Variants in VWA3B observed in about 807,000 individuals in gnomAD.
VWA3B encodes von Willebrand factor A domain-containing protein 3B.
A neutral mutation model predicts 158.3 loss-of-function variants in VWA3B; 138 were observed. That is an observed-to-expected ratio of 0.87 (90% CI 0.76 to 1.00). The LOEUF is 1.00. VWA3B is among the 50% of genes least tolerant of loss of function. The probability of loss-of-function intolerance (pLI) is 0.00; values close to 1 mark genes in which losing one functional copy is unlikely to be tolerated. For synonymous variants in VWA3B, 596 were observed against 587.3 expected, an observed-to-expected ratio of 1.01 and a Z score of -0.21; for missense variants, 1,555 against 1,565.1, an observed-to-expected ratio of 0.99 and a Z score of 0.11.
intron 15 of VWA3B, 139 bp downstream of exon 15, chr2:98,228,471 AT>A: frequency 2.7e-6 from 3 of 1,101,514 alleles, no homozygotes; most frequent in Non-Finnish European, 2.5e-6. Context: ...TTAAGTTAGG[AT>A]TTTTTTAAGC....
At chr2:98,200,487 G>A (rs941496316) in intron 12 of VWA3B, among the ~76,000 whole-genome samples, 12 of 149,446 alleles carry the variant, frequency 8.0e-5, no homozygotes, top group African/African-American at 3.0e-4. Flanking sequence ...AGATTGCAGT[G>A]AGCTGAGACG....
In VWA3B at chr2:98,313,124, G is replaced by A. The variant is rs1406697950; in HGVS notation, c.*775G>A. 6.6e-6 allele frequency: 1 copy of A among 152,146 alleles called. No homozygotes were observed. The highest frequency in any genetic ancestry group is 1.5e-5 in the Non-Finnish European group (1 of 68,030). 9.4% of individuals were successfully genotyped at this position (152,146 alleles called of 1,614,324 possible). A position where few individuals can be genotyped will look rare whatever the true frequency, so the allele number is the denominator to read the frequency against. ...AAATAGAGCACAGGTCATCACTAGGGAAAATATTGGATGCTTTTTGCAAAC... is the reference window on the plus strand; with the variant it reads ...AAATAGAGCACAGGTCATCACTAGGAAAAATATTGGATGCTTTTTGCAAAC... On this transcript the variant is annotated 3_prime_UTR_variant, in exon 28 of 28. Coordinates refer to ENST00000477737, the MANE Select transcript of VWA3B (RefSeq NM_144992.5).
rs527883119 is a variant in VWA3B at position 98,194,632 on chromosome 2, C to T, written c.1737+140C>T. 3 of 978,686 alleles carry T rather than the reference C, an allele frequency of 3.1e-6. No individual in the cohort carries two copies. The South Asian group carries it at 5.9e-5, about 19-fold the overall frequency. 60.6% of individuals were successfully genotyped at this position (978,686 alleles called of 1,614,324 possible). A position where few individuals can be genotyped will look rare whatever the true frequency, so the allele number is the denominator to read the frequency against. On this transcript the variant is annotated intron_variant, in intron 12 of 27. Transcript: ENST00000477737. ...GCTTAACATGTAGACTTTTGTTTTG[C>T]TTGCAGTGGTCACGTTAATCCAATC...
chr2:98,128,489 G>A (rs868580231), intron 6 of VWA3B, 81 bp downstream of exon 6: 13 of 1,484,962 alleles, frequency 8.8e-6, no homozygotes, highest in South Asian at 3.8e-5. Flanking sequence ...TGCATTCTTC[G>A]TGGCTTTAAC....
At chr2:98,269,174 C>A (rs771227632) in intron 21 of VWA3B, among the ~76,000 whole-genome samples, 16 of 152,094 alleles carry the variant, frequency 1.1e-4, no homozygotes, top group Non-Finnish European at 2.2e-4. Flanking sequence ...TTTGAAAAAA[C>A]AGCTATCTCA....
chr2:98,230,206 A>G lies in VWA3B; in HGVS notation c.2307A>G (p.Ala769=). 1 of 1,560,222 alleles carries G rather than the reference A, an allele frequency of 6.4e-7. No individual in the cohort carries two copies. The highest frequency in any genetic ancestry group is 1.7e-4 in the Middle Eastern group (1 of 5,802). ...QKVQKKKVLH[A]ESTKTSLLRS... is the part of the protein sequence containing the mutation. ...TTCAGAAAAAGAAAGTCCTTCACGC[A>G]GGTATCAGTGAACAAAATGGCTTGA... Residue 769 remains alanine (A), a splice_region_variant and synonymous_variant, in exon 16 of 28, where the codon GCA becomes GCG. Transcript: ENST00000477737.
At chr2:98,208,208 A>G (rs2105520062) in intron 12 of VWA3B, among the ~76,000 whole-genome samples, 1 of 152,124 alleles carries the variant, frequency 6.6e-6, no homozygotes, top group East Asian at 1.9e-4. Flanking sequence ...ATATTTGCGT[A>G]ATACGTTTTT....
chr2:98,143,441 G>A (rs999826250), intron 7 of VWA3B, among the ~76,000 whole-genome samples: 15 of 152,250 alleles, frequency 9.9e-5, no homozygotes, highest in Non-Finnish European at 1.8e-4. Flanking sequence ...GGTTCACATC[G>A]TATGTCTATT....
intron 8 of VWA3B, among the ~76,000 whole-genome samples, chr2:98,163,239 TG>T (rs563541245): frequency 2.5e-4 from 38 of 151,992 alleles, no homozygotes; most frequent in South Asian, 6.2e-4. Context: ...GACAGTAAAG[TG>T]GTAAAAACAG....
intron 9 of VWA3B, among the ~76,000 whole-genome samples, chr2:98,185,222 C>T (rs1389627121): frequency 6.6e-6 from 1 of 152,140 alleles, no homozygotes; most frequent in Non-Finnish European, 1.5e-5. Flanking sequence ...TGCGCTATTC[C>T]CACCCATCTG....
intron 22 of VWA3B, among the ~76,000 whole-genome samples, 170 bp downstream of exon 22, chr2:98,271,053 T>A (rs527289241): frequency 2.6e-4 from 39 of 152,170 alleles, no homozygotes; most frequent in African/African-American, 8.9e-4. Flanking sequence ...ATAAAGGAAA[T>A]GCCATTCGAT....
intron 24 of VWA3B, 87 bp from the exon 25 acceptor site, chr2:98,299,992 T>C: frequency 5.9e-6 from 9 of 1,537,922 alleles, no homozygotes; most frequent in Non-Finnish European, 7.1e-6. Flanking sequence ...ACTTGCCAAT[T>C]GCCTTGGAGT....
At position 98,312,517 on chromosome 2, in the gene VWA3B, TC is replaced by T; in HGVS notation, c.*172del. On this transcript the variant is annotated 3_prime_UTR_variant, in exon 28 of 28. Coordinates refer to ENST00000477737, the MANE Select transcript of VWA3B (RefSeq NM_144992.5). ...TCCTCTCCCCTCCATCCCTGCTGCCTCCCCTACCCGTTTGACGACTTGGTTC... is the reference window on the plus strand; with the variant it reads ...TCCTCTCCCCTCCATCCCTGCTGCCTCCCTACCCGTTTGACGACTTGGTTC... 2.5e-6 allele frequency: 2 copies of T among 791,098 alleles called. No individual in the cohort carries two copies. The highest frequency in any genetic ancestry group is 1.9e-6 in the Non-Finnish European group (1 of 527,978). 49.0% of individuals were successfully genotyped at this position (791,098 alleles called of 1,614,324 possible).
intron 1 of VWA3B, among the ~76,000 whole-genome samples, chr2:98,089,426 A>G (rs1247964833): frequency 6.7e-6 from 1 of 149,426 alleles, no homozygotes; most frequent in East Asian, 2.0e-4. Flanking sequence ...CAGAGGCAGC[A>G]TTTGAAATGA....
At chr2:98,212,246 T>G (rs1683590972) in intron 13 of VWA3B, 3 of 467,544 alleles carry the variant, frequency 6.4e-6, no homozygotes, top group Admixed American at 3.3e-5. Flanking sequence ...TGTTGCCTGG[T>G]GAGTGTGACA....
At chr2:98,295,017 A>G (rs1038623656) in intron 23 of VWA3B, among the ~76,000 whole-genome samples, 1 of 152,178 alleles carries the variant, frequency 6.6e-6, no homozygotes, top group African/African-American at 2.4e-5. Flanking sequence ...GAGTAGGGAT[A>G]AACACCTCGC....
Position 98,236,744 on chromosome 2 carries a change from C to T in VWA3B, c.2673+14C>T, listed in dbSNP as rs368707855. 6.9e-6 allele frequency: 11 copies of T among 1,595,190 alleles called. No individual in the cohort carries two copies. The African/African-American group carries it at 1.2e-4, about 18-fold the overall frequency. On this transcript the variant is annotated intron_variant, in intron 19 of 27. Coordinates refer to ENST00000477737, the MANE Select transcript of VWA3B (RefSeq NM_144992.5). ...GTCTTTGATGAGGTAAACTGATTGT[C>T]TATACGTCCCTACTTGAGGCCATTT...
Position 98,234,631 on chromosome 2 carries a change from C to G in VWA3B, c.2309-17C>G. 6.2e-7 allele frequency: 1 copy of G among 1,614,042 alleles called. No homozygotes were observed. Among genetic ancestry groups the G allele is most frequent in the Non-Finnish European group, 8.5e-7 (1 of 1,179,952 alleles). ...CATCCCCAATTCCTTTAACTCTTCC[C>G]TCTGTGATACCAACAGAATCAACCA... On this transcript the variant is annotated splice_polypyrimidine_tract_variant and intron_variant, in intron 16 of 27. Transcript: ENST00000477737.
chr2:98,267,623 A>G (rs2105874526), intron 21 of VWA3B, among the ~76,000 whole-genome samples: 1 of 151,952 alleles, frequency 6.6e-6, no homozygotes, highest in East Asian at 1.9e-4. Flanking sequence ...CATCACAATT[A>G]AAAGAACTAG....
Sources: allele counts gnomAD v4.1 joint callset (sites outside exome capture counted in the v4.1 genomes callset), GRCh38; gene constraint gnomAD v4.1.1; transcripts MANE v1.5; gene names NCBI Gene and HGNC (gene_info 2026-07-23, HGNC 2026-07-21).